The following EPHB1 variants were observed in gnomAD, a reference collection of about 807,000 sequenced individuals.
EPHB1 encodes EPH receptor B1.
A neutral mutation model predicts 94.4 loss-of-function variants in EPHB1; 30 were observed. The ratio of observed to expected loss-of-function variants is 0.32; its 90% CI spans 0.24 to 0.43. The LOEUF (loss-of-function observed/expected upper bound fraction) is 0.43, where lower values mean the gene tolerates loss of function less well. EPHB1 is among the 20% of genes least tolerant of loss of function. EPHB1 has a pLI of 1.00. For missense variants in EPHB1, 1,055 were observed against 1,308.3 expected, an observed-to-expected ratio of 0.81 and a Z score of 2.99; for synonymous variants, 522 against 489.1, an observed-to-expected ratio of 1.07 and a Z score of -0.89.
intron 12 of EPHB1, among the ~76,000 whole-genome samples, chr3:135,216,596 G>A (rs762841186): frequency 2.6e-5 from 4 of 151,688 alleles, no homozygotes; most frequent in East Asian, 1.9e-4. Flanking sequence ...ACTGGCACTC[G>A]CCTGTAATCC....
intron 2 of EPHB1, among the ~76,000 whole-genome samples, chr3:134,928,213 T>G (rs915098316): frequency 6.6e-6 from 1 of 152,228 alleles, no homozygotes; most frequent in African/African-American, 2.4e-5. Flanking sequence ...AACTGATTCT[T>G]GACTTCTCCT....
At chr3:135,025,296 G>T (rs1477357967) in intron 3 of EPHB1, among the ~76,000 whole-genome samples, 1 of 126,418 alleles carries the variant, frequency 7.9e-6, no homozygotes. Context: ...GTGCCATGCT[G>T]GTGTGCTGCA....
intron 3 of EPHB1, among the ~76,000 whole-genome samples, chr3:135,031,612 A>G (rs1384931274): frequency 6.6e-6 from 1 of 152,234 alleles, no homozygotes. Flanking sequence ...ATCCAGCTGC[A>G]ACTATTTTTC....
chr3:135,069,627 A>G (rs1271087774), intron 3 of EPHB1, among the ~76,000 whole-genome samples: 1 of 152,164 alleles, frequency 6.6e-6, no homozygotes, highest in African/African-American at 2.4e-5. Context: ...ATGCTCACCT[A>G]TACATATCCT....
At chr3:135,196,413 G>C in intron 11 of EPHB1, among the ~76,000 whole-genome samples, 1 of 152,158 alleles carries the variant, frequency 6.6e-6, no homozygotes, top group East Asian at 1.9e-4. Context: ...CGGGAAAACA[G>C]AGGAGCAGGC....
intron 2 of EPHB1, among the ~76,000 whole-genome samples, chr3:134,944,973 T>A (rs2039188601): frequency 6.6e-6 from 1 of 152,220 alleles, no homozygotes; most frequent in African/African-American, 2.4e-5. Flanking sequence ...AAAAGTATCA[T>A]AATGTGGCTA....
chr3:135,068,619 A>G (rs888379108), intron 3 of EPHB1, among the ~76,000 whole-genome samples: 4 of 151,038 alleles, frequency 2.6e-5, no homozygotes, highest in African/African-American at 9.7e-5. Context: ...CGTTATTGAT[A>G]GTGGTTTTTG....
chr3:135,037,628 T>C (rs2107763738), intron 3 of EPHB1, among the ~76,000 whole-genome samples: 1 of 152,296 alleles, frequency 6.6e-6, no homozygotes, highest in South Asian at 2.1e-4. Flanking sequence ...CGCCCATCAG[T>C]GATGCTTTCT....
chr3:134,923,070 G>C (rs1362968443), intron 1 of EPHB1, among the ~76,000 whole-genome samples: 1 of 152,126 alleles, frequency 6.6e-6, no homozygotes, highest in Admixed American at 6.5e-5. Flanking sequence ...GATGGGGGGA[G>C]GGAGGGAGAG....
chr3:134,925,753 A>G, intron 1 of EPHB1, 63 bp from the exon 2 acceptor site: 1 of 1,386,570 alleles, frequency 7.2e-7, no homozygotes, highest in South Asian at 1.4e-5. Context: ...CTTGAGGGCC[A>G]CTGTATAGCA....
At chr3:134,817,146 C>G (rs549797909) in intron 1 of EPHB1, among the ~76,000 whole-genome samples, 5 of 151,676 alleles carry the variant, frequency 3.3e-5, no homozygotes, top group African/African-American at 1.2e-4. Context: ...TTTTTTAAAT[C>G]AAATTCTGTA....
rs1324162726 is a variant in EPHB1 at position 135,025,455 on chromosome 3, T to C, written c.805+73403T>C. On this transcript the variant is annotated intron_variant, in intron 3 of 15. Transcript: ENST00000398015. ...CAGTTCCCACCTATGAGTGAGAATA[T>C]GCGGTGTTTGGTTTTTTGTTCTTGC... Among the ~76,000 whole-genome samples the C allele has an allele frequency of 6.0e-4, 55 of 92,346 alleles. 2 individuals carry two copies. Among genetic ancestry groups the C allele is most frequent in the Middle Eastern group, 6.0e-3 (1 of 166 alleles). The allele number at this position is 92,346 out of a possible 152,430, so 60.6% of individuals were successfully genotyped here. A position where few individuals can be genotyped will look rare whatever the true frequency, so the allele number is the denominator to read the frequency against.
chr3:135,182,546 C>G (rs1942184542), intron 10 of EPHB1, among the ~76,000 whole-genome samples: 1 of 152,160 alleles, frequency 6.6e-6, no homozygotes, highest in Non-Finnish European at 1.5e-5. Context: ...GTTAATTATT[C>G]CACACCATCC....
At chr3:135,173,482 A>G (rs934627923) in intron 9 of EPHB1, among the ~76,000 whole-genome samples, 2 of 152,040 alleles carry the variant, frequency 1.3e-5, no homozygotes, top group Non-Finnish European at 2.9e-5. Context: ...CCTCCCACCC[A>G]CTGCTTTTCC....
chr3:135,092,954 C>T (rs1938612428), intron 3 of EPHB1, among the ~76,000 whole-genome samples: 1 of 152,130 alleles, frequency 6.6e-6, no homozygotes, highest in African/African-American at 2.4e-5. Flanking sequence ...AGAATTCCAC[C>T]CCCATTTAGC....
intron 12 of EPHB1, among the ~76,000 whole-genome samples, chr3:135,221,737 G>T (rs113474500): frequency 6.6e-6 from 1 of 152,000 alleles, no homozygotes; most frequent in Non-Finnish European, 1.5e-5. Flanking sequence ...ACTATATTAC[G>T]CCTCATGTAC....
intron 13 of EPHB1, among the ~76,000 whole-genome samples, chr3:135,247,794 T>A (rs1390752114): frequency 1.3e-5 from 2 of 152,138 alleles, no homozygotes; most frequent in African/African-American, 4.8e-5. Flanking sequence ...ATCTAGAGGG[T>A]CTCTAGCATG....
In EPHB1 at chr3:134,935,985, A is replaced by G. The variant is rs1057404931; in HGVS notation, c.123+10105A>G. On this transcript the variant is annotated intron_variant, in intron 2 of 15. Transcript: ENST00000398015. ...TCCAAAGTTCCATTTCCAAAGAGCT[A>G]TTATCCAAAGTTCCAGGACTAGGTG... is the stretch of plus-strand genomic sequence containing the variant. Among the ~76,000 whole-genome samples, 7 of 152,148 alleles carry G rather than the reference A, an allele frequency of 4.6e-5. No homozygotes were observed. In the East Asian group the frequency reaches 5.8e-4, roughly 13 times the overall value.
At chr3:134,928,201 G>T (rs2107703384) in intron 2 of EPHB1, among the ~76,000 whole-genome samples, 1 of 152,294 alleles carries the variant, frequency 6.6e-6, no homozygotes, top group African/African-American at 2.4e-5. Context: ...ATAAAGGCCA[G>T]AAACTGATTC....
Sources: gnomAD v4.1 joint callset for allele counts (sites outside exome capture counted in the v4.1 genomes callset) on GRCh38, gnomAD v4.1.1 for gene constraint, MANE v1.5 for transcripts, NCBI Gene and HGNC (gene_info 2026-07-23, HGNC 2026-07-21) for gene names.